The following PDGFC variants were observed in gnomAD, a reference collection of about 807,000 sequenced individuals.
The protein encoded by PDGFC is platelet derived growth factor C, also known as platelet-derived growth factor C.
PDGFC carries 12 observed loss-of-function variants against 35.5 expected under a neutral mutation model. The observed-to-expected ratio is 0.34, with a 90% CI of 0.22 to 0.55. The LOEUF (loss-of-function observed/expected upper bound fraction) is 0.55. Ranked by LOEUF, PDGFC falls within the 20% of genes least tolerant of loss-of-function variation. The pLI is 0.91. For synonymous variants in PDGFC, 159 were observed against 148.8 expected (o/e 1.07, Z -0.50); for missense variants, 322 against 412.4 (o/e 0.78, Z 1.90).
intron 1 of PDGFC, among the ~76,000 whole-genome samples, chr4:156,943,811 AT>A (rs1196381996): frequency 3.3e-5 from 5 of 152,150 alleles, no homozygotes; most frequent in Non-Finnish European, 7.4e-5. Context: ...TGAAGTCAAG[AT>A]CATGTAACTA....
intron 2 of PDGFC, among the ~76,000 whole-genome samples, chr4:156,827,842 C>T (rs1728818442): frequency 6.6e-6 from 1 of 152,144 alleles, no homozygotes; most frequent in South Asian, 2.1e-4. Context: ...ATATCCAATC[C>T]ATGGCAACCA....
intron 1 of PDGFC, among the ~76,000 whole-genome samples, chr4:156,946,467 G>A (rs1324049542): frequency 6.6e-6 from 1 of 152,036 alleles, no homozygotes; most frequent in Non-Finnish European, 1.5e-5. Flanking sequence ...CCTTTGTGAT[G>A]AAAAATGGCC....
chr4:156,857,568 C>T (rs899067560), intron 1 of PDGFC, among the ~76,000 whole-genome samples: 10 of 152,152 alleles, frequency 6.6e-5, no homozygotes, highest in African/African-American at 2.2e-4. Context: ...GAAATGGGGG[C>T]CTGTGTTCAG....
At chr4:156,858,763 G>A (rs189076143) in intron 1 of PDGFC, among the ~76,000 whole-genome samples, 4 of 152,042 alleles carry the variant, frequency 2.6e-5, no homozygotes, top group South Asian at 2.1e-4. Context: ...ACTGGCTAAC[G>A]TGGTTAACCA....
At chr4:156,959,621 T>A (rs1369896046) in intron 1 of PDGFC, among the ~76,000 whole-genome samples, 1 of 152,048 alleles carries the variant, frequency 6.6e-6, no homozygotes. Flanking sequence ...CAAAAGTATT[T>A]CCAGTGCTTT....
intron 1 of PDGFC, among the ~76,000 whole-genome samples, chr4:156,926,171 T>G (rs1731408461): frequency 6.6e-6 from 1 of 152,176 alleles, no homozygotes; most frequent in African/African-American, 2.4e-5. Context: ...TTCATTCTTT[T>G]GTTCATTCAA....
intron 2 of PDGFC, among the ~76,000 whole-genome samples, chr4:156,818,035 G>A (rs146317118): frequency 8.9e-4 from 131 of 148,010 alleles, no homozygotes; most frequent in African/African-American, 3.2e-3. Context: ...CTTCAGCCTC[G>A]GAGACAAGAG....
chr4:156,945,202 T>C (rs1049633610), intron 1 of PDGFC, among the ~76,000 whole-genome samples: 23 of 151,576 alleles, frequency 1.5e-4, no homozygotes, highest in African/African-American at 5.1e-4. Flanking sequence ...TTCTGCTCAT[T>C]GCTTTTTAAT....
intron 1 of PDGFC, among the ~76,000 whole-genome samples, chr4:156,873,326 C>A (rs758231199): frequency 5.1e-4 from 78 of 152,140 alleles, no homozygotes; most frequent in Non-Finnish European, 8.1e-4. Context: ...CCACCCCTTA[C>A]TCCCAAATTC....
Position 156,894,845 on chromosome 4 carries a change from A to G in PDGFC, c.119-44429T>C, listed in dbSNP as rs922803643. ...TTTGATTCAGATTTAGGTTCCATCA[A>G]TTTTTTGTAGATTTGGATCCATTCC... On this transcript the variant is annotated intron_variant, in intron 1 of 5. Transcript: ENST00000502773. Among the ~76,000 whole-genome samples, 10 of 152,264 alleles carry G rather than the reference A, an allele frequency of 6.6e-5. No individual in the cohort carries two copies. In the South Asian group the frequency reaches 1.2e-3, roughly 19 times the overall value.
chr4:156,959,746 T>G (rs1248861064), intron 1 of PDGFC, among the ~76,000 whole-genome samples: 1 of 152,024 alleles, frequency 6.6e-6, no homozygotes, highest in East Asian at 1.9e-4. Context: ...GAGTTTTTGC[T>G]ACGGTAGGTT....
chr4:156,953,646 T>C (rs1732138230), intron 1 of PDGFC, among the ~76,000 whole-genome samples: 1 of 151,996 alleles, frequency 6.6e-6, no homozygotes. Context: ...GATAATACTT[T>C]CAAAGTTTCT....
In PDGFC at chr4:156,771,431, G is replaced by A. The variant is rs184181230; in HGVS notation, c.703+1255C>T. Among the ~76,000 whole-genome samples the A allele has an allele frequency of 3.9e-5, 6 of 152,270 alleles. No homozygotes were observed. In the East Asian group the frequency reaches 1.2e-3, roughly 29 times the overall value. ...TCTTCATCTTCCTGTTCCTAAGTGG[G>A]AGGGAAGGGAAGTGTTGCTCGTAAG... On this transcript the variant is annotated intron_variant, in intron 4 of 5. Coordinates refer to ENST00000502773, the MANE Select transcript of PDGFC (RefSeq NM_016205.3).
At chr4:156,818,250 C>T (rs1295773984) in intron 2 of PDGFC, among the ~76,000 whole-genome samples, 1 of 151,120 alleles carries the variant, frequency 6.6e-6, no homozygotes, top group Admixed American at 6.6e-5. Context: ...TCACAGATAC[C>T]GCGTTTTTTA....
intron 3 of PDGFC, among the ~76,000 whole-genome samples, chr4:156,786,938 C>T (rs1359785443): frequency 6.6e-6 from 1 of 152,122 alleles, no homozygotes. Flanking sequence ...GCAATGGTAG[C>T]AACAGGGAGG....
At chr4:156,815,543 G>C (rs765951290) in intron 2 of PDGFC, among the ~76,000 whole-genome samples, 77 of 152,134 alleles carry the variant, frequency 5.1e-4, no homozygotes, top group African/African-American at 1.6e-3. Flanking sequence ...TTGGTTGGCT[G>C]ATATATGCTA....
intron 1 of PDGFC, among the ~76,000 whole-genome samples, chr4:156,921,693 T>G (rs920690787): frequency 6.6e-6 from 1 of 152,134 alleles, no homozygotes; most frequent in African/African-American, 2.4e-5. Flanking sequence ...CATGGTCTAT[T>G]AGAACTGGAA....
At chr4:156,878,462 T>C (rs1390455029) in intron 1 of PDGFC, among the ~76,000 whole-genome samples, 1 of 152,216 alleles carries the variant, frequency 6.6e-6, no homozygotes, top group Admixed American at 6.5e-5. Context: ...CTAAATAACA[T>C]AATTCCTTTG....
At chr4:156,843,467 C>T (rs536135202) in intron 2 of PDGFC, among the ~76,000 whole-genome samples, 12 of 152,300 alleles carry the variant, frequency 7.9e-5, no homozygotes, top group East Asian at 3.9e-4. Flanking sequence ...GGATATGTAA[C>T]GAACACTTTA....
Sources: allele counts gnomAD v4.1 joint callset (sites outside exome capture counted in the v4.1 genomes callset), GRCh38; gene constraint gnomAD v4.1.1; transcripts MANE v1.5; gene names NCBI Gene and HGNC (gene_info 2026-07-23, HGNC 2026-07-21).